Variants in ZNF385B observed in about 807,000 individuals in gnomAD.
ZNF385B encodes the protein zinc finger protein 385B, also known as zinc finger protein 533.
In ZNF385B, 23 loss-of-function variants were observed where a neutral mutation model predicts 39.2. That is an observed-to-expected ratio of 0.59 (90% CI 0.42 to 0.83). ZNF385B has a LOEUF of 0.83. ZNF385B is among the 40% of genes least tolerant of loss of function. ZNF385B has a pLI of 0.00. For missense variants in ZNF385B, 552 were observed against 598.9 expected, an observed-to-expected ratio of 0.92 and a Z score of 0.82; for synonymous variants, 205 against 222.6, an observed-to-expected ratio of 0.92 and a Z score of 0.70.
At chr2:179,523,564 T>C (rs943985821) in intron 4 of ZNF385B, among the ~76,000 whole-genome samples, 2 of 152,158 alleles carry the variant, frequency 1.3e-5, no homozygotes, top group Admixed American at 1.3e-4. Context: ...CTAGATTATA[T>C]TTAGACTCTA....
intron 3 of ZNF385B, among the ~76,000 whole-genome samples, chr2:179,568,760 A>C (rs1375885422): frequency 6.6e-6 from 1 of 152,176 alleles, no homozygotes; most frequent in Non-Finnish European, 1.5e-5. Context: ...GTATGTGAGG[A>C]TCCTCAGCCC....
intron 3 of ZNF385B, among the ~76,000 whole-genome samples, chr2:179,675,633 G>C (rs1451613849): frequency 1.3e-5 from 2 of 152,102 alleles, no homozygotes; most frequent in Non-Finnish European, 1.5e-5. Context: ...AGTAAGGCAA[G>C]AGCAGGAGGA....
intron 3 of ZNF385B, among the ~76,000 whole-genome samples, chr2:179,667,408 C>T (rs989355510): frequency 6.6e-5 from 10 of 152,154 alleles, no homozygotes; most frequent in Admixed American, 6.6e-4. Context: ...CTCCCTCCCC[C>T]CCACCATTTT....
rs1477928135 is a variant in ZNF385B, at chr2:179,518,472, C to G, written c.552+56G>C. Reference sequence around the variant, plus strand: ...TATGAAGAAATGTACGTATTTAGATCAATCAGACTTTTAGCTCTGACAAAC... The same window carrying G: ...TATGAAGAAATGTACGTATTTAGATGAATCAGACTTTTAGCTCTGACAAAC... On this transcript the variant is annotated intron_variant, in intron 5 of 9. Coordinates refer to ENST00000410066, the MANE Select transcript of ZNF385B (RefSeq NM_152520.6). 2.4e-6 allele frequency: 3 copies of G among 1,224,948 alleles called. No homozygotes were observed. The African/African-American group carries it at 4.7e-5, about 19-fold the overall frequency. 75.9% of individuals were successfully genotyped at this position (1,224,948 alleles called of 1,614,324 possible). A position where few individuals can be genotyped will look rare whatever the true frequency, so the allele number is the denominator to read the frequency against.
chr2:179,745,186 C>A (rs1485491344), intron 3 of ZNF385B, among the ~76,000 whole-genome samples: 2 of 152,072 alleles, frequency 1.3e-5, no homozygotes, highest in Non-Finnish European at 2.9e-5. Flanking sequence ...CATGACCGGT[C>A]ATAACTTTTA....
intron 3 of ZNF385B, among the ~76,000 whole-genome samples, chr2:179,663,958 G>T (rs962577080): frequency 6.6e-5 from 10 of 151,916 alleles, no homozygotes; most frequent in African/African-American, 2.2e-4. Context: ...AAAATCCAGA[G>T]AATTGAGGCA....
At chr2:179,579,163 A>G (rs1437305516) in intron 3 of ZNF385B, among the ~76,000 whole-genome samples, 2 of 152,122 alleles carry the variant, frequency 1.3e-5, no homozygotes, top group Non-Finnish European at 2.9e-5. Flanking sequence ...AAAAATATGT[A>G]TTTTGATGGA....
At chr2:179,650,909 T>C (rs959676917) in intron 3 of ZNF385B, among the ~76,000 whole-genome samples, 3 of 152,146 alleles carry the variant, frequency 2.0e-5, no homozygotes, top group African/African-American at 7.2e-5. Context: ...ATTGATACAA[T>C]CATACCCTAT....
At chr2:179,814,906 T>A (rs1381254425) in intron 1 of ZNF385B, among the ~76,000 whole-genome samples, 2 of 152,202 alleles carry the variant, frequency 1.3e-5, no homozygotes, top group Non-Finnish European at 1.5e-5. Flanking sequence ...TATAGTTGCA[T>A]CACAGTTGGT....
rs115510770 is a variant in ZNF385B at position 179,779,732 on chromosome 2, G to C, written c.-154-9060C>G. 3.2e-3 allele frequency among the ~76,000 whole-genome samples: 485 copies of C among 152,202 alleles called. 3 individuals carry two copies. Among genetic ancestry groups the C allele is most frequent in the African/African-American group, 0.011 (467 of 41,528 alleles). ...GGTGGATTAGCTGGGCCTGGGGGCA[G>C]AGGGAGAGACTAGTGTCAGGGATGA... is the stretch of plus-strand genomic sequence containing the variant. On this transcript the variant is annotated intron_variant, in intron 1 of 9. Transcript: ENST00000410066.
At chr2:179,525,132 A>C (rs568655865) in intron 4 of ZNF385B, among the ~76,000 whole-genome samples, 130 of 152,280 alleles carry the variant, frequency 8.5e-4, no homozygotes, top group African/African-American at 2.9e-3. Flanking sequence ...ATCTCCCCCA[A>C]CATTGTTCCC....
intron 1 of ZNF385B, among the ~76,000 whole-genome samples, chr2:179,791,843 A>G (rs769955460): frequency 1.3e-5 from 2 of 152,022 alleles, no homozygotes; most frequent in African/African-American, 2.4e-5. Flanking sequence ...TGCAACCTCC[A>G]CCTTCGAGGT....
chr2:179,473,505 G>A (rs2105533881), intron 6 of ZNF385B, among the ~76,000 whole-genome samples: 1 of 152,208 alleles, frequency 6.6e-6, no homozygotes, highest in East Asian at 1.9e-4. Flanking sequence ...ATCCTAGGAG[G>A]TAGGTATTAG....
chr2:179,790,999 C>T (rs917438176), intron 1 of ZNF385B, among the ~76,000 whole-genome samples: 2 of 152,158 alleles, frequency 1.3e-5, no homozygotes, highest in South Asian at 2.1e-4. Context: ...TCATCCTTCA[C>T]GGGGAACCCA....
chr2:179,814,091 T>C (rs1706905649), intron 1 of ZNF385B, among the ~76,000 whole-genome samples: 1 of 152,236 alleles, frequency 6.6e-6, no homozygotes, highest in Non-Finnish European at 1.5e-5. Flanking sequence ...GTTATGTGAA[T>C]GAGGCAGGCC....
At chr2:179,558,508 CT>C (rs2061104902) in intron 3 of ZNF385B, among the ~76,000 whole-genome samples, 1 of 152,150 alleles carries the variant, frequency 6.6e-6, no homozygotes, top group South Asian at 2.1e-4. Flanking sequence ...TCTACTCCCA[CT>C]TTGGCAGAGA....
chr2:179,578,192 A>C (rs921407773), intron 3 of ZNF385B, among the ~76,000 whole-genome samples: 1 of 152,134 alleles, frequency 6.6e-6, no homozygotes, highest in Non-Finnish European at 1.5e-5. Context: ...TTCATTTATA[A>C]ATTCATTCAA....
chr2:179,443,523 C>A (rs2049166732), intron 9 of ZNF385B, 55 bp from the exon 10 acceptor site: 1 of 1,318,918 alleles, frequency 7.6e-7, no homozygotes, highest in Non-Finnish European at 1.1e-6. Context: ...TGAATAACAG[C>A]ACCACAGGCA....
rs1381446579 is a variant in ZNF385B, at chr2:179,599,770, G to GA, written c.299-54802dup. Among the ~76,000 whole-genome samples the GA allele has an allele frequency of 3.9e-5, 6 of 152,266 alleles. No individual in the cohort carries two copies. In the East Asian group the frequency reaches 1.2e-3, roughly 29 times the overall value. On this transcript the variant is annotated intron_variant, in intron 3 of 9. Coordinates refer to ENST00000410066, the MANE Select transcript of ZNF385B (RefSeq NM_152520.6). ...AAATAAGAGAACCAAGCAGTCTCTT[G>GA]AAAATTCAAATAACATTCTGAAGAC...
Sources: allele counts gnomAD v4.1 joint callset (sites outside exome capture counted in the v4.1 genomes callset), GRCh38; gene constraint gnomAD v4.1.1; transcripts MANE v1.5; gene names NCBI Gene and HGNC (gene_info 2026-07-23, HGNC 2026-07-21).